The following LRIG2 variants were observed in gnomAD, a reference collection of about 807,000 sequenced individuals.
LRIG2 encodes leucine-rich repeats and immunoglobulin-like domains protein 2.
In LRIG2, 93 loss-of-function variants were observed where a neutral mutation model predicts 107.8. The ratio of observed to expected loss-of-function variants is 0.86; its 90% CI spans 0.73 to 1.03. The LOEUF (loss-of-function observed/expected upper bound fraction) is 1.03, where lower values mean the gene tolerates loss of function less well. LRIG2 is among the 50% of genes least tolerant of loss of function. The pLI, the probability that LRIG2 is intolerant of heterozygous loss-of-function variation, is 0.00. For missense variants in LRIG2, 1,226 were observed against 1,296.0 expected (o/e 0.95, Z 0.83); for synonymous variants, 471 against 470.6 (o/e 1.00, Z -0.01).
chr1:113,088,613 C>T (rs1252580432), intron 1 of LRIG2, among the ~76,000 whole-genome samples: 1 of 152,100 alleles, frequency 6.6e-6, no homozygotes, highest in East Asian at 1.9e-4. Flanking sequence ...AAGGGGAAAA[C>T]TGCTAAGTTA....
chr1:113,119,265 T>A lies in LRIG2; in HGVS notation c.2713T>A (p.Cys905Ser), dbSNP rs1473665572. Residue 905 changes from cysteine to serine, a missense_variant, in exon 17 of 18, where the codon TGT (cysteine) becomes AGT (serine). By Grantham distance (112) the Cys-to-Ser change is moderately radical. Transcript: ENST00000361127. ...TGGTACCCGGGTGATTTGCTCAGAT[T>A]GTTATGACAATGCCAACATCTACTC... ...GTGTRVICSD[C>S]YDNANIYSRT... 6.2e-7 allele frequency: 1 copy of A among 1,613,846 alleles called. No individual in the cohort carries two copies. Among genetic ancestry groups the A allele is most frequent in the African/African-American group, 1.3e-5 (1 of 74,912 alleles).
Position 113,124,079 on chromosome 1 carries a change from A to G in LRIG2, c.3176A>G (p.Gln1059Arg). The change falls in exon 18 of 18, where the codon CAA (glutamine) becomes CGA (arginine). Residue 1059 changes from glutamine to arginine, a missense_variant. Gln to Arg is a conservative substitution (Grantham distance 43). Around this residue, in one of 3 missense-constraint regions of LRIG2, gnomAD observed 642 missense variants for 712.2 expected, o/e 0.90. Transcript: ENST00000361127. ...GATTTTAGTAGGACTCGGAACATTC[A>G]AGATGGTAGTGAGGGCACATGAAAC... is the stretch of plus-strand genomic sequence containing the variant. ...AFDFSRTRNI[Q>R]DGSEGT is the part of the protein sequence containing the mutation. 7 of 1,614,166 alleles carry G rather than the reference A, an allele frequency of 4.3e-6. No homozygotes were observed. Among genetic ancestry groups the G allele is most frequent in the Non-Finnish European group, 5.9e-6 (7 of 1,180,014 alleles).
At chr1:113,116,903 A>G (rs1239019796) in intron 16 of LRIG2, among the ~76,000 whole-genome samples, 1 of 152,180 alleles carries the variant, frequency 6.6e-6, no homozygotes, top group African/African-American at 2.4e-5. Flanking sequence ...TGAGGCCAGG[A>G]GTTCGAGGCT....
At chr1:113,098,060 A>G (rs1654142813) in intron 8 of LRIG2, among the ~76,000 whole-genome samples, 1 of 152,174 alleles carries the variant, frequency 6.6e-6, no homozygotes, top group Non-Finnish European at 1.5e-5. Flanking sequence ...AATTATATGG[A>G]AATAATTCTT....
intron 1 of LRIG2, among the ~76,000 whole-genome samples, chr1:113,080,058 G>A (rs1226519838): frequency 1.7e-5 from 2 of 115,332 alleles, no homozygotes; most frequent in Admixed American, 2.4e-4. Context: ...ATCTTGCTCT[G>A]TCGCCAGGCT....
At chr1:113,116,520 A>C in intron 16 of LRIG2, 84 bp downstream of exon 16, 2 of 1,324,238 alleles carry the variant, frequency 1.5e-6, no homozygotes, top group South Asian at 3.0e-5. Context: ...CATTAATCTG[A>C]AGCAATATTT....
rs1553232489 is a variant in LRIG2, at chr1:113,128,038, T to C, written c.*3937T>C. On this transcript the variant is annotated 3_prime_UTR_variant, in exon 18 of 18. Transcript: ENST00000361127. ...CTCTTCTAAATCCAATATTACTCAC[T>C]AGATAATTTCAGCCACTTAAATAAA... 1 of 152,212 alleles carries C rather than the reference T, an allele frequency of 6.6e-6. No homozygotes were observed. Among genetic ancestry groups the C allele is most frequent in the Non-Finnish European group, 1.5e-5 (1 of 68,036 alleles). The allele number at this position is 152,212 out of a possible 1,614,324, so 9.4% of individuals were successfully genotyped here.
At chr1:113,090,355 T>TA in intron 1 of LRIG2, among the ~76,000 whole-genome samples, 1 of 152,268 alleles carries the variant, frequency 6.6e-6, no homozygotes, top group Admixed American at 6.5e-5. Flanking sequence ...GGAGACTTTT[T>TA]ACACTTTTTG....
rs1369235896 is a variant in LRIG2 at position 113,124,158 on chromosome 1, A to C, written c.*57A>C. On this transcript the variant is annotated 3_prime_UTR_variant, in exon 18 of 18. Transcript: ENST00000361127. ...CTTATTAATTAATTTTGCATTTACTACCTCAGAGCTCAGAAGAAACTCCGA... is the reference window on the plus strand; with the variant it reads ...CTTATTAATTAATTTTGCATTTACTCCCTCAGAGCTCAGAAGAAACTCCGA... 1.9e-5 allele frequency: 27 copies of C among 1,454,626 alleles called. No homozygotes were observed. The Middle Eastern group carries it at 6.5e-4, about 35-fold the overall frequency. The allele number at this position is 1,454,626 out of a possible 1,614,324, so 90.1% of individuals were successfully genotyped here. A position where few individuals can be genotyped will look rare whatever the true frequency, so the allele number is the denominator to read the frequency against.
rs34131524 is a variant in LRIG2, at chr1:113,086,000, GTTT to G, written c.240-5295_240-5293del. ...AATTGATTATAATGGTAACCCTGAG[GTTT>G]TTTTTTTTTTTTTTTTTTTTTTGAG... On this transcript the variant is annotated intron_variant, in intron 1 of 17. Transcript: ENST00000361127. Among the ~76,000 whole-genome samples, 582 of 65,040 alleles carry G rather than the reference GTTT, an allele frequency of 8.9e-3. 7 individuals are homozygous for G. The highest frequency in any genetic ancestry group is 0.032 in the African/African-American group (540 of 17,008). 42.7% of individuals were successfully genotyped at this position (65,040 alleles called of 152,430 possible). A position where few individuals can be genotyped will look rare whatever the true frequency, so the allele number is the denominator to read the frequency against.
At chr1:113,122,806 C>T (rs1655322260) in intron 17 of LRIG2, among the ~76,000 whole-genome samples, 1 of 152,194 alleles carries the variant, frequency 6.6e-6, no homozygotes, top group South Asian at 2.1e-4. Flanking sequence ...TCAGAGTCTA[C>T]ATTTTAACAA....
At chr1:113,081,045 G>A (rs570838634) in intron 1 of LRIG2, among the ~76,000 whole-genome samples, 3 of 151,976 alleles carry the variant, frequency 2.0e-5, no homozygotes, top group African/African-American at 7.2e-5. Flanking sequence ...GTTTCACCAT[G>A]TTGGCCAGGC....
Position 113,094,765 on chromosome 1 carries a change from C to T in LRIG2, c.803+10C>T, listed in dbSNP as rs780521963. 2.8e-5 allele frequency: 45 copies of T among 1,612,460 alleles called. No homozygotes were observed. The East Asian group carries it at 6.5e-4, about 23-fold the overall frequency. ...ATAACATGGAAGAACTGTAAGTACTCGGGACTAGAGGTGATTATTAGGAAA... is the reference window on the plus strand; with the variant it reads ...ATAACATGGAAGAACTGTAAGTACTTGGGACTAGAGGTGATTATTAGGAAA... On this transcript the variant is annotated intron_variant, in intron 6 of 17. Transcript: ENST00000361127.
intron 2 of LRIG2, among the ~76,000 whole-genome samples, 188 bp downstream of exon 2, chr1:113,091,571 G>T (rs991362404): frequency 6.6e-6 from 1 of 152,336 alleles, no homozygotes; most frequent in South Asian, 2.1e-4. Flanking sequence ...TTGGCATTGG[G>T]TTGGTGATTT....
chr1:113,100,863 T>C (rs896703830), intron 11 of LRIG2, among the ~76,000 whole-genome samples: 1 of 152,240 alleles, frequency 6.6e-6, no homozygotes, highest in African/African-American at 2.4e-5. Context: ...TTTTGTTTTA[T>C]AGTTTCCGAG....
chr1:113,085,015 C>G (rs752442116), intron 1 of LRIG2, among the ~76,000 whole-genome samples: 1 of 152,140 alleles, frequency 6.6e-6, no homozygotes, highest in African/African-American at 2.4e-5. Context: ...TCATGTTTGG[C>G]GGAAAAACCT....
intron 1 of LRIG2, among the ~76,000 whole-genome samples, chr1:113,084,279 A>G (rs889255753): frequency 5.6e-5 from 8 of 143,194 alleles, no homozygotes; most frequent in Non-Finnish European, 9.0e-5. Context: ...GCAGTGGCGC[A>G]ATCTCGGCTC....
At chr1:113,094,984 A>ATTT (rs33950364) in intron 6 of LRIG2, among the ~76,000 whole-genome samples, 27 of 139,718 alleles carry the variant, frequency 1.9e-4, no homozygotes, top group Admixed American at 3.0e-4. Context: ...ATATATATAT[A>ATTT]TTTTTTTTGA....
At chr1:113,101,583 A>C (rs1030382851) in intron 11 of LRIG2, among the ~76,000 whole-genome samples, 1 of 152,244 alleles carries the variant, frequency 6.6e-6, no homozygotes, top group Non-Finnish European at 1.5e-5. Context: ...GTAGTTTATA[A>C]AAGTATTAGT....
Sources: gnomAD v4.1 joint callset for allele counts (sites outside exome capture counted in the v4.1 genomes callset) on GRCh38, gnomAD v4.1.1 for gene constraint, gnomAD v4.1.1 regional missense constraint, MANE v1.5 for transcripts, NCBI Gene and HGNC (gene_info 2026-07-23, HGNC 2026-07-21) for gene names.